SHROOM3: variants seen among roughly 807,000 people sequenced by gnomAD.
SHROOM3 encodes the protein protein Shroom3.
A neutral mutation model predicts 138.6 loss-of-function variants in SHROOM3; 47 were observed. The ratio of observed to expected loss-of-function variants is 0.34; its 90% CI spans 0.27 to 0.43. The LOEUF (loss-of-function observed/expected upper bound fraction) is 0.43. Ranked by LOEUF, SHROOM3 falls within the 20% of genes least tolerant of loss-of-function variation. The probability of loss-of-function intolerance (pLI) is 1.00; values close to 1 mark genes in which losing one functional copy is unlikely to be tolerated. For missense variants in SHROOM3, 2,491 were observed against 2,596.5 expected (o/e 0.96, Z 0.88); for synonymous variants, 1,062 against 1,063.3 (o/e 1.00, Z 0.02).
chr4:76,517,371 A>C (rs992519877), intron 1 of SHROOM3, among the ~76,000 whole-genome samples: 1 of 152,174 alleles, frequency 6.6e-6, no homozygotes, highest in African/African-American at 2.4e-5. Context: ...TCCCTATCCC[A>C]GGTGGTAACA....
chr4:76,642,942 C>T (rs1026917069), intron 2 of SHROOM3, among the ~76,000 whole-genome samples: 3 of 152,072 alleles, frequency 2.0e-5, no homozygotes, highest in Non-Finnish European at 2.9e-5. Flanking sequence ...AGCAATGGCT[C>T]ATGCCTGTAA....
intron 2 of SHROOM3, among the ~76,000 whole-genome samples, chr4:76,593,804 G>A (rs1734325362): frequency 6.6e-6 from 1 of 152,094 alleles, no homozygotes. Flanking sequence ...TCACTTAGGG[G>A]CAGTGGCTAG....
At chr4:76,473,319 A>G (rs1160598056) in intron 1 of SHROOM3, among the ~76,000 whole-genome samples, 3 of 152,188 alleles carry the variant, frequency 2.0e-5, no homozygotes, top group Non-Finnish European at 4.4e-5. Flanking sequence ...TGACTCAACA[A>G]TGACAAGGCT....
chr4:76,544,081 T>C (rs1358201600), intron 1 of SHROOM3, among the ~76,000 whole-genome samples: 1 of 152,210 alleles, frequency 6.6e-6, no homozygotes, highest in East Asian at 1.9e-4. Context: ...TAAGAAAGCA[T>C]GTTTCTAGTT....
chr4:76,528,720 T>C (rs1490596306), intron 1 of SHROOM3, among the ~76,000 whole-genome samples: 1 of 152,074 alleles, frequency 6.6e-6, no homozygotes, highest in Non-Finnish European at 1.5e-5. Context: ...GCCTAGCTAA[T>C]TTTTGTATTT....
rs1484962983 is a variant in SHROOM3, at chr4:76,781,203, T to C, written c.*2026T>C. On this transcript the variant is annotated 3_prime_UTR_variant, in exon 11 of 11. Transcript: ENST00000296043. Reference sequence around the variant, plus strand: ...TGCAGAGTGGTGCGATAACAGCTCATTGCAGTCTGAACCTCTGAGGCTCAA... The same window carrying C: ...TGCAGAGTGGTGCGATAACAGCTCACTGCAGTCTGAACCTCTGAGGCTCAA... 1 of 152,210 alleles carries C rather than the reference T, an allele frequency of 6.6e-6. No individual in the cohort carries two copies. Among genetic ancestry groups the C allele is most frequent in the Non-Finnish European group, 1.5e-5 (1 of 68,076 alleles). 9.4% of individuals were successfully genotyped at this position (152,210 alleles called of 1,614,324 possible). A position where few individuals can be genotyped will look rare whatever the true frequency, so the allele number is the denominator to read the frequency against.
intron 2 of SHROOM3, among the ~76,000 whole-genome samples, chr4:76,619,882 CA>C (rs1437250290): frequency 1.3e-5 from 2 of 151,788 alleles, no homozygotes; most frequent in Non-Finnish European, 2.9e-5. Flanking sequence ...GCCAACATGG[CA>C]AAACCCTGTC....
intron 2 of SHROOM3, among the ~76,000 whole-genome samples, chr4:76,591,918 G>A (rs10033553): frequency 6.6e-6 from 1 of 152,048 alleles, no homozygotes; most frequent in African/African-American, 2.4e-5. Context: ...CTGGCACACA[G>A]TCTAGTCAAG....
At chr4:76,684,596 G>A (rs1719283706) in intron 2 of SHROOM3, among the ~76,000 whole-genome samples, 1 of 152,110 alleles carries the variant, frequency 6.6e-6, no homozygotes, top group African/African-American at 2.4e-5. Context: ...CGGGATAATA[G>A]CCAGGATGCA....
intron 2 of SHROOM3, among the ~76,000 whole-genome samples, chr4:76,584,961 T>G (rs778951208): frequency 6.6e-6 from 1 of 152,192 alleles, no homozygotes; most frequent in Non-Finnish European, 1.5e-5. Flanking sequence ...TATCCCACAT[T>G]TGCCTCAATT....
chr4:76,634,703 C>T lies in SHROOM3; in HGVS notation c.324-75453C>T, dbSNP rs115616991. Among the ~76,000 whole-genome samples the T allele has an allele frequency of 5.2e-3, 789 of 152,168 alleles. 7 individuals are homozygous for T. The highest frequency in any genetic ancestry group is 0.018 in the African/African-American group (742 of 41,516). On this transcript the variant is annotated intron_variant, in intron 2 of 10. Coordinates refer to ENST00000296043, the MANE Select transcript of SHROOM3 (RefSeq NM_020859.4). ...AAAATGATTCAAAACAATCTCTAAC[C>T]GTATTTCATATATGTATTCACTTGT...
intron 1 of SHROOM3, among the ~76,000 whole-genome samples, chr4:76,525,320 A>G (rs1732666706): frequency 6.6e-6 from 1 of 152,098 alleles, no homozygotes; most frequent in Non-Finnish European, 1.5e-5. Flanking sequence ...AAACCATCAG[A>G]TCTCGTGAGA....
chr4:76,592,046 G>A (rs1734284028), intron 2 of SHROOM3, among the ~76,000 whole-genome samples: 2 of 152,202 alleles, frequency 1.3e-5, no homozygotes, highest in African/African-American at 4.8e-5. Flanking sequence ...ATGGCAGAGA[G>A]CGTATTGCAA....
intron 2 of SHROOM3, among the ~76,000 whole-genome samples, chr4:76,700,430 A>T (rs2110112416): frequency 6.6e-6 from 1 of 152,356 alleles, no homozygotes; most frequent in African/African-American, 2.4e-5. Flanking sequence ...TCCCTGGGGC[A>T]TGCGACTGGG....
chr4:76,720,988 A>AT (rs1425133646), intron 3 of SHROOM3, among the ~76,000 whole-genome samples: 1 of 151,988 alleles, frequency 6.6e-6, no homozygotes, highest in Non-Finnish European at 1.5e-5. Context: ...AAAGGGGGCA[A>AT]TTTAGCAGTA....
At chr4:76,530,878 G>T (rs1232412979) in intron 1 of SHROOM3, among the ~76,000 whole-genome samples, 1 of 152,138 alleles carries the variant, frequency 6.6e-6, no homozygotes, top group Non-Finnish European at 1.5e-5. Context: ...GTGTTTGGAG[G>T]AATATCCTCC....
chr4:76,742,220 A>C (rs1184516658), intron 5 of SHROOM3: 1 of 460,554 alleles, frequency 2.2e-6, no homozygotes, highest in Non-Finnish European at 3.9e-6. Context: ...AAGGTTAAGA[A>C]AAATTAGGGA....
intron 2 of SHROOM3, among the ~76,000 whole-genome samples, chr4:76,695,444 G>C (rs1719698181): frequency 6.6e-6 from 1 of 152,160 alleles, no homozygotes; most frequent in Non-Finnish European, 1.5e-5. Flanking sequence ...GTGCCCCAGA[G>C]CACTGTTACA....
intron 5 of SHROOM3, among the ~76,000 whole-genome samples, chr4:76,743,056 A>G (rs1025826248): frequency 6.6e-6 from 1 of 152,228 alleles, no homozygotes; most frequent in Non-Finnish European, 1.5e-5. Context: ...TGCTTTGGGA[A>G]TAGTGATCAA....
Sources: gnomAD v4.1 joint callset for allele counts (sites outside exome capture counted in the v4.1 genomes callset) on GRCh38, gnomAD v4.1.1 for gene constraint, MANE v1.5 for transcripts, NCBI Gene and HGNC (gene_info 2026-07-23, HGNC 2026-07-21) for gene names.